BCAS3: variants seen among roughly 807,000 people sequenced by gnomAD.
The protein encoded by BCAS3 is BCAS3 microtubule associated cell migration factor, also known as BCAS4/BCAS3 fusion.
BCAS3 carries 53 observed loss-of-function variants against 116.1 expected under a neutral mutation model. The observed-to-expected ratio is 0.46, with a 90% confidence interval of 0.37 to 0.57. The LOEUF (loss-of-function observed/expected upper bound fraction) is 0.57, where lower values mean the gene tolerates loss of function less well. Ranked by LOEUF, BCAS3 falls within the 20% of genes least tolerant of loss-of-function variation. BCAS3 has a pLI of 0.00. For synonymous variants in BCAS3, 391 were observed against 408.2 expected (o/e 0.96, Z 0.51); for missense variants, 917 against 1,165.4 (o/e 0.79, Z 3.10).
At chr17:61,253,791 G>A (rs908016575) in intron 22 of BCAS3, among the ~76,000 whole-genome samples, 2 of 151,964 alleles carry the variant, frequency 1.3e-5, no homozygotes, top group African/African-American at 4.8e-5. Flanking sequence ...TTGTTGTATA[G>A]TTTTAGTTGA....
chr17:60,973,586 A>AATATATAT (rs34671111), intron 14 of BCAS3, among the ~76,000 whole-genome samples: 5 of 137,976 alleles, frequency 3.6e-5, no homozygotes, highest in African/African-American at 8.6e-5. Flanking sequence ...CCTTATTATT[A>AATATATAT]ATATATATAT....
chr17:61,353,022 G>A (rs2057940765), intron 22 of BCAS3, among the ~76,000 whole-genome samples: 3 of 152,222 alleles, frequency 2.0e-5, no homozygotes, highest in Non-Finnish European at 4.4e-5. Flanking sequence ...GGCAATTTGA[G>A]GATTGACCTC....
intron 13 of BCAS3, among the ~76,000 whole-genome samples, chr17:60,927,800 C>T (rs1006096702): frequency 1.3e-5 from 2 of 152,046 alleles, no homozygotes; most frequent in African/African-American, 2.4e-5. Flanking sequence ...TATCATTTCA[C>T]ATTTATATAT....
intron 23 of BCAS3, among the ~76,000 whole-genome samples, chr17:61,384,222 G>T (rs1738143888): frequency 6.6e-6 from 1 of 152,238 alleles, no homozygotes; most frequent in Non-Finnish European, 1.5e-5. Context: ...ATCAGCCAAG[G>T]CTCTGCCCCC....
intron 7 of BCAS3, among the ~76,000 whole-genome samples, chr17:60,815,562 A>G (rs2144658858): frequency 6.6e-6 from 1 of 152,370 alleles, no homozygotes; most frequent in African/African-American, 2.4e-5. Context: ...AACAAAAAAC[A>G]GCAGGCAACT....
At chr17:60,975,049 C>T (rs1029916077) in intron 14 of BCAS3, among the ~76,000 whole-genome samples, 6 of 148,578 alleles carry the variant, frequency 4.0e-5, no homozygotes, top group Non-Finnish European at 7.4e-5. Flanking sequence ...GGCCGGACTG[C>T]GGACTGCAGT....
intron 6 of BCAS3, among the ~76,000 whole-genome samples, chr17:60,762,292 G>A (rs149035722): frequency 0.01 from 1,535 of 152,222 alleles, 28 homozygotes; most frequent in African/African-American, 0.034. Context: ...TGTCCTGAAT[G>A]GTAATGCCTA....
chr17:60,861,236 G>A (rs1419299515), intron 7 of BCAS3, among the ~76,000 whole-genome samples: 1 of 152,064 alleles, frequency 6.6e-6, no homozygotes, highest in Non-Finnish European at 1.5e-5. Flanking sequence ...CCTAGGGATT[G>A]TATTCCTTTT....
chr17:61,225,752 T>TG lies in BCAS3; in HGVS notation c.2425+141188_2425+141189insG, dbSNP rs541051437. Among the ~76,000 whole-genome samples the TG allele has an allele frequency of 1.2e-3, 186 of 152,240 alleles. 1 individual carries two copies. The highest frequency in any genetic ancestry group is 3.5e-3 in the African/African-American group (145 of 41,536). On this transcript the variant is annotated intron_variant, in intron 22 of 23. Transcript: ENST00000407086. ...ATTATCCCTACAATCCAGAAATACTTAGGTGTCTTGTATTTGATGCACGTG... is the reference window on the plus strand; with the variant it reads ...ATTATCCCTACAATCCAGAAATACTTGAGGTGTCTTGTATTTGATGCACGTG...
chr17:60,701,488 T>A (rs1354673770), intron 4 of BCAS3, among the ~76,000 whole-genome samples: 1 of 152,184 alleles, frequency 6.6e-6, no homozygotes, highest in Non-Finnish European at 1.5e-5. Flanking sequence ...ACTTTAGTTA[T>A]ACCCAAACTT....
At position 61,032,048 on chromosome 17, in the gene BCAS3, T is replaced by G. The variant is rs1279370444; in HGVS notation, c.1638-2618T>G. ...AAACTAGTAAACATACAAAAAATAT[T>G]TTTTGTATGTCAAAAAACTAAATTG... is the stretch of plus-strand genomic sequence containing the variant. On this transcript the variant is annotated intron_variant, in intron 16 of 23. Coordinates refer to ENST00000407086, the MANE Select transcript of BCAS3 (RefSeq NM_017679.5). This position sits in a 1 kb window ranked among gnomAD's most constrained non-coding sequence, Gnocchi z 4.6. Among the ~76,000 whole-genome samples the G allele has an allele frequency of 6.6e-6, 1 of 152,126 alleles. No homozygotes were observed. The highest frequency in any genetic ancestry group is 1.9e-4 in the East Asian group (1 of 5,194).
At chr17:61,247,621 G>T (rs1461360928) in intron 22 of BCAS3, among the ~76,000 whole-genome samples, 1 of 152,186 alleles carries the variant, frequency 6.6e-6, no homozygotes, top group African/African-American at 2.4e-5. Context: ...CATTGACCAT[G>T]TGCCAAGTCC....
intron 22 of BCAS3, among the ~76,000 whole-genome samples, chr17:61,292,799 A>G (rs1412411614): frequency 1.3e-5 from 2 of 152,196 alleles, no homozygotes; most frequent in East Asian, 1.9e-4. Flanking sequence ...CTTGCAAACT[A>G]TCACTTACAT....
chr17:60,814,306 T>TGCGCGCGCGCGCGTGTGCGC (rs1555731469), intron 7 of BCAS3, among the ~76,000 whole-genome samples: 7 of 148,302 alleles, frequency 4.7e-5, no homozygotes, highest in African/African-American at 1.8e-4. Flanking sequence ...TGTGTGTGTG[T>TGCGCGCGCGCGCGTGTGCGC]GCGCGCGTGC....
intron 22 of BCAS3, among the ~76,000 whole-genome samples, chr17:61,184,736 CA>C (rs773401879): frequency 1.5e-4 from 23 of 152,102 alleles, no homozygotes; most frequent in Non-Finnish European, 2.9e-4. Flanking sequence ...AAGGGACAGA[CA>C]AATCATGTTA....
In BCAS3 at chr17:60,902,609, C is replaced by A. The variant is rs1567829874; in HGVS notation, c.739-11C>A. The stretch of plus-strand genomic sequence containing the variant: ...AATGACGTTCTGCTTCTCTCTCTCT[C>A]TTTTTCTCAGTTGATTCGATGTCAT... On this transcript the variant is annotated splice_polypyrimidine_tract_variant and intron_variant, in intron 10 of 23. Transcript: ENST00000407086. 1 of 1,590,604 alleles carries A rather than the reference C, an allele frequency of 6.3e-7. No homozygotes were observed. The highest frequency in any genetic ancestry group is 8.6e-7 in the Non-Finnish European group (1 of 1,159,188).
rs2053933147 is a variant in BCAS3 at position 61,307,355 on chromosome 17, A to C, written c.2426-60972A>C. Reference sequence around the variant, plus strand: ...CCTGTAATTTTTCCTGTCTACTTTTACTAGAGTTTACTAGAGGTTTCCTCA... The same window carrying C: ...CCTGTAATTTTTCCTGTCTACTTTTCCTAGAGTTTACTAGAGGTTTCCTCA... On this transcript the variant is annotated intron_variant, in intron 22 of 23. Transcript: ENST00000407086. This position sits in a 1 kb window ranked among gnomAD's most constrained non-coding sequence, Gnocchi z 4.7. Among the ~76,000 whole-genome samples the C allele has an allele frequency of 6.6e-6, 1 of 152,218 alleles. No individual in the cohort carries two copies. Among genetic ancestry groups the C allele is most frequent in the Non-Finnish European group, 1.5e-5 (1 of 68,040 alleles).
At chr17:61,045,871 ATAT>A (rs1381242693) in intron 19 of BCAS3, among the ~76,000 whole-genome samples, 1 of 45,262 alleles carries the variant, frequency 2.2e-5, no homozygotes, top group Non-Finnish European at 3.3e-5. Context: ...ATATAAATAT[ATAT>A]AAATATATAT....
In BCAS3 at chr17:61,006,838, G is replaced by A. The variant is rs373827996; in HGVS notation, c.1487-8913G>A. Among the ~76,000 whole-genome samples the A allele has an allele frequency of 2.9e-4, 44 of 152,012 alleles. 1 individual carries two copies. In the South Asian group the frequency reaches 8.9e-3, roughly 31 times the overall value. On this transcript the variant is annotated intron_variant, in intron 15 of 23. Transcript: ENST00000407086. ...AAAAATTTTTATTTATACGTATGAA[G>A]AATTTACTTTCTTCCCTCTTGTGTT...
Sources: allele counts gnomAD v4.1 joint callset (sites outside exome capture counted in the v4.1 genomes callset), GRCh38; gene constraint gnomAD v4.1.1; non-coding constraint Gnocchi (gnomAD v3.1); transcripts MANE v1.5; gene names NCBI Gene and HGNC (gene_info 2026-07-23, HGNC 2026-07-21).